DLG2: variants seen among roughly 807,000 people sequenced by gnomAD.
The protein encoded by DLG2 is disks large homolog 2.
In DLG2, 45 loss-of-function variants were observed where a neutral mutation model predicts 132.5. That is an observed-to-expected ratio of 0.34 (90% CI 0.27 to 0.44). The LOEUF is 0.44. Ranked by LOEUF, DLG2 falls within the 20% of genes least tolerant of loss-of-function variation. The pLI is 1.00. For missense variants in DLG2, 1,045 were observed against 1,196.9 expected (o/e 0.87, Z 1.87); for synonymous variants, 424 against 419.6 (o/e 1.01, Z -0.13).
chr11:84,228,363 C>T (rs1052020113), intron 8 of DLG2, among the ~76,000 whole-genome samples: 6 of 152,136 alleles, frequency 3.9e-5, no homozygotes, highest in African/African-American at 1.2e-4. Flanking sequence ...CTCATTGGCA[C>T]TTATTCAATT....
chr11:83,831,532 CAGAG>C (rs140071758), intron 17 of DLG2, among the ~76,000 whole-genome samples: 17 of 146,582 alleles, frequency 1.2e-4, no homozygotes, highest in South Asian at 4.4e-4. Context: ...GTGTGTATGT[CAGAG>C]AGAGAGAGAG....
chr11:84,408,339 A>T (rs1601604080), intron 7 of DLG2, among the ~76,000 whole-genome samples: 2 of 72,542 alleles, frequency 2.8e-5, no homozygotes, highest in African/African-American at 3.4e-4. Context: ...TGCACATGTT[A>T]TATATATATA....
intron 6 of DLG2, among the ~76,000 whole-genome samples, chr11:84,980,740 A>C (rs911367480): frequency 3.3e-5 from 5 of 152,160 alleles, no homozygotes; most frequent in Non-Finnish European, 5.9e-5. Flanking sequence ...AAAGCATCCA[A>C]ATTTCTTTAC....
intron 11 of DLG2, among the ~76,000 whole-genome samples, chr11:84,051,735 G>A (rs1051088999): frequency 2.8e-4 from 43 of 151,098 alleles, no homozygotes; most frequent in African/African-American, 9.5e-4. Flanking sequence ...TAACTAACCT[G>A]CACGTTGTGC....
intron 19 of DLG2, among the ~76,000 whole-genome samples, chr11:83,580,425 T>C (rs2096951374): frequency 6.6e-6 from 1 of 152,238 alleles, no homozygotes; most frequent in East Asian, 1.9e-4. Context: ...AAGATAGATA[T>C]GGGTTCTGCC....
chr11:85,049,038 T>G (rs2062631021), intron 6 of DLG2, among the ~76,000 whole-genome samples: 1 of 152,072 alleles, frequency 6.6e-6, no homozygotes, highest in African/African-American at 2.4e-5. Flanking sequence ...GCTTTGTTCT[T>G]CAAGTACTTT....
intron 16 of DLG2, among the ~76,000 whole-genome samples, chr11:83,861,654 G>A (rs1286668108): frequency 6.6e-6 from 1 of 152,004 alleles, no homozygotes; most frequent in Non-Finnish European, 1.5e-5. Flanking sequence ...ACTTATTCGT[G>A]GAATCTAAAA....
rs17734921 is a variant in DLG2 at position 84,534,541 on chromosome 11, T to C, written c.519+29A>G. 102,245 of 1,607,164 alleles carry C rather than the reference T, an allele frequency of 0.064. 3,775 individuals are homozygous for C. Among genetic ancestry groups the C allele is most frequent in the South Asian group, 0.1 (9,437 of 90,836 alleles). The stretch of plus-strand genomic sequence containing the variant: ...ATTAAGACCAACTACTGTCACCAAC[T>C]ATAAAGTCGGAAGAGCAATATAACT... On this transcript the variant is annotated intron_variant, in intron 7 of 27. Coordinates refer to ENST00000376104, the MANE Select transcript of DLG2 (RefSeq NM_001142699.3).
At chr11:85,516,954 G>A (rs2094181482) in intron 3 of DLG2, among the ~76,000 whole-genome samples, 1 of 151,644 alleles carries the variant, frequency 6.6e-6, no homozygotes, top group Non-Finnish European at 1.5e-5. Flanking sequence ...ATGAAAGGCA[G>A]GCAAAAACAT....
At chr11:85,610,222 C>T (rs1450141011) in intron 2 of DLG2, among the ~76,000 whole-genome samples, 1 of 152,202 alleles carries the variant, frequency 6.6e-6, no homozygotes, top group Non-Finnish European at 1.5e-5. Context: ...CATTTAAAAG[C>T]TCAAGGCTTA....
At chr11:84,049,629 C>G (rs1202090489) in intron 11 of DLG2, among the ~76,000 whole-genome samples, 2 of 151,752 alleles carry the variant, frequency 1.3e-5, no homozygotes, top group Non-Finnish European at 2.9e-5. Flanking sequence ...TCACTTAATG[C>G]TTCAAATTTA....
chr11:84,535,040 T>C (rs1389107827), intron 6 of DLG2, among the ~76,000 whole-genome samples: 1 of 152,202 alleles, frequency 6.6e-6, no homozygotes, highest in African/African-American at 2.4e-5. Flanking sequence ...TTCAAGTAAG[T>C]GAGGAGGTAA....
chr11:85,229,543 G>A (rs1032367117), intron 4 of DLG2, among the ~76,000 whole-genome samples: 1 of 152,112 alleles, frequency 6.6e-6, no homozygotes, highest in African/African-American at 2.4e-5. Context: ...CTGTTGGTGG[G>A]AGTGTAAATT....
intron 20 of DLG2, among the ~76,000 whole-genome samples, chr11:83,538,956 T>C (rs182363840): frequency 3.3e-5 from 5 of 152,316 alleles, no homozygotes; most frequent in Non-Finnish European, 7.4e-5. Context: ...ATGTCTTAAG[T>C]GCAATTCTGT....
At chr11:85,292,766 A>G (rs2078991793) in intron 3 of DLG2, among the ~76,000 whole-genome samples, 1 of 122,660 alleles carries the variant, frequency 8.2e-6, no homozygotes, top group Non-Finnish European at 1.7e-5. Context: ...AGAGAGGAGA[A>G]AGGAAGGAGG....
chr11:85,421,083 G>T (rs2090267763), intron 3 of DLG2, among the ~76,000 whole-genome samples: 1 of 152,186 alleles, frequency 6.6e-6, no homozygotes, highest in African/African-American at 2.4e-5. Flanking sequence ...GAAAAGCCAG[G>T]GCCCTGGTGG....
At chr11:84,640,502 C>A (rs375297471) in intron 6 of DLG2, 2 of 434,632 alleles carry the variant, frequency 4.6e-6, no homozygotes, top group Admixed American at 3.1e-5. Context: ...ACAAAGATAT[C>A]AGAAAACTTT....
chr11:85,597,074 T>A (rs560073483), intron 3 of DLG2, among the ~76,000 whole-genome samples: 12 of 152,362 alleles, frequency 7.9e-5, no homozygotes, highest in Non-Finnish European at 1.8e-4. Flanking sequence ...TCAAACTACA[T>A]TATTGGCGTT....
chr11:85,425,326 C>CA (rs1331060731), intron 3 of DLG2, among the ~76,000 whole-genome samples: 2 of 151,930 alleles, frequency 1.3e-5, no homozygotes, highest in Non-Finnish European at 1.5e-5. Flanking sequence ...TTATAATTTT[C>CA]AAAAAAGTTC....
Sources: gnomAD v4.1 joint callset for allele counts (sites outside exome capture counted in the v4.1 genomes callset) on GRCh38, gnomAD v4.1.1 for gene constraint, MANE v1.5 for transcripts, NCBI Gene and HGNC (gene_info 2026-07-23, HGNC 2026-07-21) for gene names.